FAT2: variants seen among roughly 807,000 people sequenced by gnomAD.
The protein encoded by FAT2 is FAT atypical cadherin 2.
Under a neutral mutation model 295.3 loss-of-function variants are expected in FAT2, and 150 were observed. The ratio of observed to expected loss-of-function variants is 0.51; its 90% CI spans 0.44 to 0.58. The LOEUF (loss-of-function observed/expected upper bound fraction) is 0.58, where lower values mean the gene tolerates loss of function less well. Among genes scored for constraint, FAT2 ranks in the 20% least tolerant of loss-of-function variants. The pLI, the probability that FAT2 is intolerant of heterozygous loss-of-function variation, is 0.00. For synonymous variants in FAT2, 2,026 were observed against 2,150.3 expected, an observed-to-expected ratio of 0.94 and a Z score of 1.60; for missense variants, 4,868 against 5,442.7, an observed-to-expected ratio of 0.89 and a Z score of 3.32.
In FAT2 at chr5:151,529,273, T is replaced by A; in HGVS notation, c.9931A>T (p.Ile3311Phe). 1 of 1,614,120 alleles carries A rather than the reference T, an allele frequency of 6.2e-7. No homozygotes were observed. The change falls in exon 15 of 24, where the codon ATC (isoleucine) becomes TTC (phenylalanine). Residue 3311 changes from isoleucine (I) to phenylalanine (F), a missense_variant. Physicochemically the swap from Ile to Phe is conservative, Grantham distance 21. Transcript: ENST00000261800. The part of the protein sequence containing the change: ...LSDVTTVMVN[I>F]TDVNEHRPQF... ...GGCCGGTGTTCATTGACATCAGTGA[T>A]GTTGACCATGACTGTGGTCACGTCA...
intron 20 of FAT2, among the ~76,000 whole-genome samples, chr5:151,515,462 C>G (rs560291983): frequency 6.6e-6 from 1 of 152,262 alleles, no homozygotes; most frequent in South Asian, 2.1e-4. Context: ...TTAGGCTTGT[C>G]TTACCAGATC....
chr5:151,542,955 G>A lies in FAT2; in HGVS notation c.8172C>T (p.Tyr2724=). 6.2e-7 allele frequency: 1 copy of A among 1,614,220 alleles called. No individual in the cohort carries two copies. The highest frequency in any genetic ancestry group is 8.5e-7 in the Non-Finnish European group (1 of 1,180,034). The change falls in exon 10 of 24, where the codon TAC becomes TAT. Residue 2724 remains tyrosine, a synonymous_variant. Transcript: ENST00000261800. Reference sequence around the variant, plus strand: ...CAGGTGTAGTGCCCCGCACTAGACTGTAGATGACTGGATCTTGAGCTGCCA... The same window carrying A: ...CAGGTGTAGTGCCCCGCACTAGACTATAGATGACTGGATCTTGAGCTGCCA... ...KAVAAQDPVI[Y]SLVRGTTPES...
chr5:151,505,988 G>A lies in FAT2; in HGVS notation c.12627C>T (p.Arg4209=). 1 of 1,573,360 alleles carries A rather than the reference G, an allele frequency of 6.4e-7. No individual in the cohort carries two copies. The highest frequency in any genetic ancestry group is 1.2e-5 in the South Asian group (1 of 84,090). The change falls in exon 24 of 24, where the codon CGC becomes CGT. Residue 4209 remains arginine, a synonymous_variant. Transcript: ENST00000261800. ...TQGPLPPSAH[R]HSTPVVMPEP... Reference sequence around the variant, plus strand: ...CTGGCATCACGACTGGGGTTGAGTGGCGGTGAGCCGAGGGCGGCAGAGGGC... The same window carrying A: ...CTGGCATCACGACTGGGGTTGAGTGACGGTGAGCCGAGGGCGGCAGAGGGC...
Position 151,568,595 on chromosome 5 carries a change from C to G in FAT2, c.337G>C (p.Asp113His), listed in dbSNP as rs1011979822. 15 of 1,614,026 alleles carry G rather than the reference C, an allele frequency of 9.3e-6. No homozygotes were observed. In the African/African-American group the frequency reaches 1.9e-4, roughly 20 times the overall value. ...NTALLNREVR[D>H]SYTLIIQATE... is the part of the protein sequence containing the mutation. ...GCTTGGATGATGAGGGTGTAGCTGT[C>G]TCGCACCTCTCTGTTCAGAAGAGCT... The change falls in exon 2 of 24, where the codon GAC becomes CAC. Residue 113 changes from aspartate (D) to histidine (H), a missense_variant. By Grantham distance (81) the Asp-to-His change is moderately conservative. Transcript: ENST00000261800.
chr5:151,510,194 G>A lies in FAT2; in HGVS notation c.11906-20C>T, dbSNP rs758165079. 4 of 1,613,454 alleles carry A rather than the reference G, an allele frequency of 2.5e-6. No homozygotes were observed. The African/African-American group carries it at 4.0e-5, about 16-fold the overall frequency. On this transcript the variant is annotated intron_variant, in intron 21 of 23. Coordinates refer to ENST00000261800, the MANE Select transcript of FAT2 (RefSeq NM_001447.3). ...CATAGCCTAGGAGAAAAAGAAGGGA[G>A]GTGAGAGACCGCACTGGCCTAGCAG...
chr5:151,568,770 G>A lies in FAT2; in HGVS notation c.162C>T (p.Ser54=). 2 of 1,614,154 alleles carry A rather than the reference G, an allele frequency of 1.2e-6. No individual in the cohort carries two copies. The highest frequency in any genetic ancestry group is 1.1e-5 in the South Asian group (1 of 91,082). ...ENSSPKTYVE[S]FEKMGIYLAE... ...CGAGGTAGATGCCCATTTTCTCGAA[G>A]CTCTCCACATAGGTCTTGGGAGAAG... Residue 54 remains serine, a synonymous_variant, in exon 2 of 24, where the codon AGC becomes AGT. Transcript: ENST00000261800.
intron 16 of FAT2, among the ~76,000 whole-genome samples, chr5:151,527,791 A>G (rs973370189): frequency 1.1e-4 from 16 of 152,120 alleles, no homozygotes; most frequent in Non-Finnish European, 2.2e-4. Flanking sequence ...TCCTCTAGGG[A>G]AGGTTACGGG....
At chr5:151,572,557 A>G (rs530421231) in intron 1 of FAT2, among the ~76,000 whole-genome samples, 1 of 152,310 alleles carries the variant, frequency 6.6e-6, no homozygotes, top group South Asian at 2.1e-4. Flanking sequence ...AAGTTACTCA[A>G]TATTCCTGAA....
In FAT2 at chr5:151,506,088, C is replaced by T; in HGVS notation, c.12527G>A (p.Gly4176Asp). The T allele has an allele frequency of 6.6e-7, 1 of 1,516,306 alleles. No homozygotes were observed. 93.9% of individuals were successfully genotyped at this position (1,516,306 alleles called of 1,614,324 possible). A position where few individuals can be genotyped will look rare whatever the true frequency, so the allele number is the denominator to read the frequency against. The change falls in exon 24 of 24, where the codon GGC becomes GAC. Residue 4176 changes from glycine to aspartate, a missense_variant. By Grantham distance (94) the Gly-to-Asp change is moderately conservative (BLOSUM62 -1). This residue lies in a region of FAT2 where 492 missense variants were observed against 482.6 expected (regional missense o/e 1.02). Coordinates refer to ENST00000261800, the MANE Select transcript of FAT2 (RefSeq NM_001447.3). ...AGTAGGGGGCCAGACCATGGCTCCG[C>T]CAGGGTACACTGAAAGGGAACAGCA... is the stretch of plus-strand genomic sequence containing the variant. ...TWSSEEMVYP[G>D]GAMVWPPTYS...
At chr5:151,577,099 G>T (rs549056562) in intron 1 of FAT2, among the ~76,000 whole-genome samples, 1 of 152,116 alleles carries the variant, frequency 6.6e-6, no homozygotes, top group African/African-American at 2.4e-5. Context: ...GACTGTATAC[G>T]CATCTTTATA....
chr5:151,553,202 G>A lies in FAT2; in HGVS notation c.4131C>T (p.Pro1377=), dbSNP rs201832661. The A allele has an allele frequency of 2.7e-4, 428 of 1,614,246 alleles. No homozygotes were observed. The highest frequency in any genetic ancestry group is 2.0e-3 in the Middle Eastern group (12 of 6,062). ...CTGAGATGTTGAACCAGAAGAGTCC[G>A]GGTCTGCCCTCTACGCTGATGACCC... is the stretch of plus-strand genomic sequence containing the variant. ...MVGVISVEGR[P]GLFWFNISGG... Residue 1377 remains proline (P), a synonymous_variant, in exon 6 of 24, where the codon CCC becomes CCT. Transcript: ENST00000261800.
rs763703829 is a variant in FAT2 at position 151,531,582 on chromosome 5, C to G, written c.9811+5G>C. On this transcript the variant is annotated splice_donor_5th_base_variant and intron_variant, in intron 14 of 23. Transcript: ENST00000261800. The surrounding 1 kb of genome is among the most constrained non-coding windows in gnomAD (Gnocchi z 5.7). ...GCTTTGGGGCTTGGTGGATCAGGCT[C>G]TCACCTGTGCGAGCATCCAGGCGGA... 8 of 1,612,124 alleles carry G rather than the reference C, an allele frequency of 5.0e-6. No individual in the cohort carries two copies. In the East Asian group the frequency reaches 8.9e-5, roughly 18 times the overall value.
Position 151,546,026 on chromosome 5 carries a change from C to T in FAT2, c.5101G>A (p.Gly1701Arg). 6.2e-7 allele frequency: 1 copy of T among 1,614,164 alleles called. No homozygotes were observed. Among genetic ancestry groups the T allele is most frequent in the Non-Finnish European group, 8.5e-7 (1 of 1,180,024 alleles). The change falls in exon 10 of 24, where the codon GGA (glycine) becomes AGA (arginine). Residue 1701 changes from glycine to arginine, a missense_variant. Physicochemically the swap from Gly to Arg is moderately radical, Grantham distance 125. Coordinates refer to ENST00000261800, the MANE Select transcript of FAT2 (RefSeq NM_001447.3). ...TYELREGNKD[G>R]VFSMNSYSGL... is the part of the protein sequence containing the mutation. ...GAATATGAGTTCATAGAGAAGACTC[C>T]ATCCTTATTTCCCTCTCTTAACTCA...
chr5:151,563,621 G>T lies in FAT2; in HGVS notation c.3278C>A (p.Ala1093Glu), dbSNP rs747806755. The T allele has an allele frequency of 6.2e-7, 1 of 1,613,878 alleles. No individual in the cohort carries two copies. Among genetic ancestry groups the T allele is most frequent in the Admixed American group, 1.7e-5 (1 of 59,928 alleles). ...AGATGCAAATTCTCGGTCCAGGGGT[G>T]CCAGAGTCTGAATCATTCCTAGGGA... ...NQDTGMIQTLAPLDREFASYY... is the reference protein window; with the variant it reads ...NQDTGMIQTLEPLDREFASYY... Residue 1093 changes from alanine to glutamate, a missense_variant, in exon 3 of 24, where the codon GCA becomes GAA. Physicochemically the swap from Ala to Glu is moderately radical, Grantham distance 107. Coordinates refer to ENST00000261800, the MANE Select transcript of FAT2 (RefSeq NM_001447.3).
Position 151,537,813 on chromosome 5 carries a change from A to G in FAT2, c.9173T>C (p.Phe3058Ser), listed in dbSNP as rs768750758. 2.5e-6 allele frequency: 4 copies of G among 1,611,736 alleles called. No homozygotes were observed. The Admixed American group carries it at 5.0e-5, about 20-fold the overall frequency. The change falls in exon 12 of 24, where the codon TTC becomes TCC. Residue 3058 changes from phenylalanine (F) to serine (S), a missense_variant. By Grantham distance (155) the Phe-to-Ser change is radical. Coordinates refer to ENST00000261800, the MANE Select transcript of FAT2 (RefSeq NM_001447.3). Reference protein sequence around the residue: ...YSLHGPGAHEFKLDPHTGELT... With the variant: ...YSLHGPGAHESKLDPHTGELT... ...CCCACCTGTATGAGGATCCAGCTTG[A>G]ATTCATGCGCCCCAGGGCCATGCAG...
At position 151,545,231 on chromosome 5, in the gene FAT2, A is replaced by C; in HGVS notation, c.5896T>G (p.Leu1966Val). The C allele has an allele frequency of 6.2e-7, 1 of 1,614,174 alleles. No homozygotes were observed. The highest frequency in any genetic ancestry group is 2.2e-5 in the East Asian group (1 of 44,886). ...ISLTQVLDKS[L>V]QFDQDVYWAA... is the part of the protein sequence containing the mutation. ...CAGTAGACATCCTGATCAAACTGCAAGCTTTTGTCAAGCACTTGGGTCAAA... is the reference window on the plus strand; with the variant it reads ...CAGTAGACATCCTGATCAAACTGCACGCTTTTGTCAAGCACTTGGGTCAAA... The change falls in exon 10 of 24, where the codon TTG becomes GTG. Residue 1966 changes from leucine to valine, a missense_variant. By Grantham distance (32) the Leu-to-Val change is conservative (BLOSUM62 1). Coordinates refer to ENST00000261800, the MANE Select transcript of FAT2 (RefSeq NM_001447.3).
At chr5:151,516,357 A>G (rs1752861318) in intron 20 of FAT2, among the ~76,000 whole-genome samples, 2 of 152,034 alleles carry the variant, frequency 1.3e-5, no homozygotes, top group Non-Finnish European at 2.9e-5. Context: ...TAAAGACGCA[A>G]AAGAAAAAAA....
rs1382192079 is a variant in FAT2 at position 151,512,949 on chromosome 5, C to T, written c.11464-343G>A. On this transcript the variant is annotated intron_variant, in intron 20 of 23. Coordinates refer to ENST00000261800, the MANE Select transcript of FAT2 (RefSeq NM_001447.3). This position sits in a 1 kb window ranked among gnomAD's most constrained non-coding sequence, Gnocchi z 4.1. ...AGAGTTCCACACTTGTGAATATTGG[C>T]CTTCAGCGATTTGAAAAACCTGTCT... Among the ~76,000 whole-genome samples the T allele has an allele frequency of 6.6e-6, 1 of 152,196 alleles. No individual in the cohort carries two copies. The highest frequency in any genetic ancestry group is 1.5e-5 in the Non-Finnish European group (1 of 68,034).
Position 151,504,769 on chromosome 5 carries a change from T to C in FAT2, c.*796A>G, listed in dbSNP as rs1760715184. The C allele has an allele frequency of 6.6e-6, 1 of 152,644 alleles. No homozygotes were observed. The highest frequency in any genetic ancestry group is 2.4e-5 in the African/African-American group (1 of 41,444). The allele number at this position is 152,644 out of a possible 1,614,324, so 9.5% of individuals were successfully genotyped here. Reference sequence around the variant, plus strand: ...TTGGGATGAAGAACCCAGAGTTCCATGAGGTCTGAATTCTTTAACAAAGAA... The same window carrying C: ...TTGGGATGAAGAACCCAGAGTTCCACGAGGTCTGAATTCTTTAACAAAGAA... On this transcript the variant is annotated 3_prime_UTR_variant, in exon 24 of 24. Coordinates refer to ENST00000261800, the MANE Select transcript of FAT2 (RefSeq NM_001447.3).
Sources: allele counts gnomAD v4.1 joint callset (sites outside exome capture counted in the v4.1 genomes callset), GRCh38; gene constraint gnomAD v4.1.1; regional missense constraint gnomAD v4.1.1; non-coding constraint Gnocchi (gnomAD v3.1); transcripts MANE v1.5; gene names NCBI Gene and HGNC (gene_info 2026-07-23, HGNC 2026-07-21).